The following ZHX2 variants were observed in gnomAD, a reference collection of about 807,000 sequenced individuals.
ZHX2 encodes zinc fingers and homeoboxes 2.
A neutral mutation model predicts 21.9 loss-of-function variants in ZHX2; 6 were observed. The observed-to-expected ratio is 0.27, with a 90% CI of 0.15 to 0.54. ZHX2 has a LOEUF of 0.54. Ranked by LOEUF, ZHX2 falls within the 20% of genes least tolerant of loss-of-function variation. The probability of loss-of-function intolerance (pLI) is 0.95; values close to 1 mark genes in which losing one functional copy is unlikely to be tolerated. For synonymous variants in ZHX2, 434 were observed against 437.1 expected (o/e 0.99, Z 0.09); for missense variants, 908 against 1,090.7 (o/e 0.83, Z 2.36).
chr8:122,895,143 A>C (rs2129894931), intron 2 of ZHX2, among the ~76,000 whole-genome samples: 1 of 152,304 alleles, frequency 6.6e-6, no homozygotes, highest in East Asian at 1.9e-4. Context: ...ATTAAATTGC[A>C]ATTAATGTTG....
At chr8:122,868,679 T>C (rs1273406084) in intron 2 of ZHX2, among the ~76,000 whole-genome samples, 7 of 116,930 alleles carry the variant, frequency 6.0e-5, no homozygotes, top group Non-Finnish European at 1.0e-4. Context: ...CCAGCCTGGG[T>C]GGCAGAGCAA....
intron 1 of ZHX2, among the ~76,000 whole-genome samples, chr8:122,847,095 A>G (rs1563752367): frequency 6.6e-6 from 1 of 152,184 alleles, no homozygotes; most frequent in Non-Finnish European, 1.5e-5. Context: ...CCCCACGCTC[A>G]GTAGTGGAAT....
chr8:122,820,773 A>G (rs975765288), intron 1 of ZHX2, among the ~76,000 whole-genome samples: 1 of 152,212 alleles, frequency 6.6e-6, no homozygotes, highest in African/African-American at 2.4e-5. Context: ...TAGAGCCTTT[A>G]AAAATAATAA....
chr8:122,802,340 G>A (rs1253719591), intron 1 of ZHX2, among the ~76,000 whole-genome samples: 3 of 152,214 alleles, frequency 2.0e-5, no homozygotes, highest in African/African-American at 4.8e-5. Flanking sequence ...GGGGGTTAGA[G>A]GCGTGAGCCA....
At position 122,952,887 on chromosome 8, in the gene ZHX2, C is replaced by T. The variant is rs1249188945; in HGVS notation, c.1377C>T (p.Leu459=). 2 of 1,614,070 alleles carry T rather than the reference C, an allele frequency of 1.2e-6. No individual in the cohort carries two copies. Among genetic ancestry groups the T allele is most frequent in the African/African-American group, 2.7e-5 (2 of 74,926 alleles). The part of the protein sequence containing the change: ...EQIAHLKASF[L]QSQFPDDAEV... ...TAGCACATCTCAAGGCCAGCTTTCT[C>T]CAGAGCCAGTTCCCTGACGATGCCG... Residue 459 remains leucine (L), a synonymous_variant, in exon 3 of 4, where the codon CTC becomes CTT. Coordinates refer to ENST00000314393, the MANE Select transcript of ZHX2 (RefSeq NM_014943.5). This position sits in a 1 kb window ranked among gnomAD's most constrained non-coding sequence, Gnocchi z 6.9.
intron 1 of ZHX2, among the ~76,000 whole-genome samples, chr8:122,785,088 A>G (rs1263986575): frequency 1.3e-5 from 2 of 152,246 alleles, no homozygotes; most frequent in Non-Finnish European, 2.9e-5. Flanking sequence ...TGATTGAGAA[A>G]ACTAACCACT....
At chr8:122,896,346 C>T (rs536204352) in intron 2 of ZHX2, among the ~76,000 whole-genome samples, 26 of 151,860 alleles carry the variant, frequency 1.7e-4, no homozygotes, top group South Asian at 6.2e-4. Flanking sequence ...CAAAGCAATA[C>T]GTATTTCATG....
chr8:122,925,829 G>A (rs1563586939), intron 2 of ZHX2, among the ~76,000 whole-genome samples: 2 of 152,158 alleles, frequency 1.3e-5, no homozygotes, highest in Non-Finnish European at 1.5e-5. Context: ...GCCAGGGAAC[G>A]GTTAAGAGAA....
At chr8:122,880,271 G>A (rs1819680956) in intron 2 of ZHX2, among the ~76,000 whole-genome samples, 1 of 151,526 alleles carries the variant, frequency 6.6e-6, no homozygotes, top group African/African-American at 2.4e-5. Context: ...ACTGCACCCA[G>A]CTGTTATCTC....
intron 2 of ZHX2, among the ~76,000 whole-genome samples, chr8:122,887,236 G>A (rs949270971): frequency 3.9e-5 from 6 of 152,060 alleles, no homozygotes; most frequent in African/African-American, 7.2e-5. Flanking sequence ...AACTTCAGCC[G>A]GGCGTGGTGG....
chr8:122,861,608 C>G (rs1586336265), intron 1 of ZHX2, among the ~76,000 whole-genome samples: 1 of 152,248 alleles, frequency 6.6e-6, no homozygotes, highest in East Asian at 1.9e-4. Flanking sequence ...TATCGTAAAT[C>G]TATGCTGTGA....
chr8:122,971,288 CTTT>C (rs11409501), intron 3 of ZHX2, among the ~76,000 whole-genome samples: 1 of 136,834 alleles, frequency 7.3e-6, no homozygotes, highest in Non-Finnish European at 1.6e-5. Flanking sequence ...CCTGAGCTTC[CTTT>C]TTTTTTTTTT....
rs545868489 is a variant in ZHX2 at position 122,908,300 on chromosome 8, A to G, written c.-219-42992A>G. Among the ~76,000 whole-genome samples the G allele has an allele frequency of 2.0e-5, 3 of 152,334 alleles. No homozygotes were observed. The South Asian group carries it at 6.2e-4, about 32-fold the overall frequency. On this transcript the variant is annotated intron_variant, in intron 2 of 3. Transcript: ENST00000314393. ...CTGCAACCTCCGCCTCCCGAGTTCA[A>G]GAGATTCTCCTGCCTCAGCCTTACA...
chr8:122,827,323 C>A (rs896062276), intron 1 of ZHX2, among the ~76,000 whole-genome samples: 1 of 152,156 alleles, frequency 6.6e-6, no homozygotes, highest in Non-Finnish European at 1.5e-5. Flanking sequence ...CAGGTGTAAG[C>A]CACCACACCC....
At chr8:122,891,998 GT>G (rs1221411460) in intron 2 of ZHX2, among the ~76,000 whole-genome samples, 1 of 152,160 alleles carries the variant, frequency 6.6e-6, no homozygotes, top group Non-Finnish European at 1.5e-5. Context: ...TAGATGGTCT[GT>G]CCAATGCTGA....
At chr8:122,903,473 G>T (rs1215190933) in intron 2 of ZHX2, among the ~76,000 whole-genome samples, 1 of 152,208 alleles carries the variant, frequency 6.6e-6, no homozygotes, top group South Asian at 2.1e-4. Context: ...CAGCTGGAAG[G>T]TATTATTGGA....
At position 122,952,674 on chromosome 8, in the gene ZHX2, C is replaced by G; in HGVS notation, c.1164C>G (p.Val388=). 1.9e-6 allele frequency: 3 copies of G among 1,614,186 alleles called. No individual in the cohort carries two copies. Among genetic ancestry groups the G allele is most frequent in the Non-Finnish European group, 2.5e-6 (3 of 1,180,034 alleles). ...LTQVTSGSTT[V]SCSPITLAVA... is the part of the protein sequence containing the mutation. ...AGGTGACCAGCGGGTCAACAACCGT[C>G]TCTTGCTCCCCCATCACACTTGCCG... Residue 388 remains valine (V), a synonymous_variant, in exon 3 of 4, where the codon GTC becomes GTG. Transcript: ENST00000314393. This position sits in a 1 kb window ranked among gnomAD's most constrained non-coding sequence, Gnocchi z 6.9.
chr8:122,918,653 A>G (rs1820662329), intron 2 of ZHX2, among the ~76,000 whole-genome samples: 1 of 152,068 alleles, frequency 6.6e-6, no homozygotes, highest in Non-Finnish European at 1.5e-5. Context: ...GTCTCAATAA[A>G]ACTTTCTTTA....
chr8:122,790,657 G>T (rs1817495279), intron 1 of ZHX2, among the ~76,000 whole-genome samples: 1 of 152,148 alleles, frequency 6.6e-6, no homozygotes, highest in Non-Finnish European at 1.5e-5. Flanking sequence ...GCCCAGGCTG[G>T]AGTGCAATGG....
Sources: allele counts gnomAD v4.1 joint callset (sites outside exome capture counted in the v4.1 genomes callset), GRCh38; gene constraint gnomAD v4.1.1; non-coding constraint Gnocchi (gnomAD v3.1); transcripts MANE v1.5; gene names NCBI Gene and HGNC (gene_info 2026-07-23, HGNC 2026-07-21).